The following GRID1 variants were observed in gnomAD, a reference collection of about 807,000 sequenced individuals.
GRID1 encodes glutamate receptor ionotropic, delta-1.
GRID1 carries 28 observed loss-of-function variants against 98.0 expected under a neutral mutation model. That is an observed-to-expected ratio of 0.29 (90% CI 0.21 to 0.39). GRID1 has a LOEUF of 0.39. Ranked by LOEUF, GRID1 falls within the 10% of genes least tolerant of loss-of-function variation. The pLI is 1.00. For missense variants in GRID1, 1,111 were observed against 1,340.5 expected (o/e 0.83, Z 2.67); for synonymous variants, 553 against 538.5 (o/e 1.03, Z -0.37).
chr10:86,228,784 G>A lies in GRID1; in HGVS notation c.236-22136C>T, dbSNP rs544683817. Reference sequence around the variant, plus strand: ...GTCACCCCTCAGGAAGTGGATGTGTGGGTTCCCTCCTGGCCCGGCCACTCT... The same window carrying A: ...GTCACCCCTCAGGAAGTGGATGTGTAGGTTCCCTCCTGGCCCGGCCACTCT... On this transcript the variant is annotated intron_variant, in intron 2 of 15. Transcript: ENST00000327946. Among the ~76,000 whole-genome samples, 4 of 152,152 alleles carry A rather than the reference G, an allele frequency of 2.6e-5. No individual in the cohort carries two copies. In the East Asian group the frequency reaches 7.7e-4, roughly 29 times the overall value.
intron 2 of GRID1, among the ~76,000 whole-genome samples, chr10:86,284,065 T>C (rs1210979607): frequency 2.4e-5 from 3 of 123,528 alleles, no homozygotes; most frequent in Non-Finnish European, 3.4e-5. Context: ...TGCATATACA[T>C]ACCTGCCCTC....
chr10:85,771,748 G>T (rs1842270816), intron 8 of GRID1, among the ~76,000 whole-genome samples: 1 of 152,146 alleles, frequency 6.6e-6, no homozygotes, highest in Non-Finnish European at 1.5e-5. Flanking sequence ...ATGGTAAAGG[G>T]ATCAATTCAA....
chr10:86,051,583 C>A (rs993759942), intron 4 of GRID1, among the ~76,000 whole-genome samples: 9 of 149,236 alleles, frequency 6.0e-5, no homozygotes, highest in Admixed American at 2.0e-4. Flanking sequence ...AGGTATAAAA[C>A]CCCTGCTATA....
At position 85,788,317 on chromosome 10, in the gene GRID1, C is replaced by T. The variant is rs750362851; in HGVS notation, c.1234-58703G>A. On this transcript the variant is annotated intron_variant, in intron 8 of 15. Coordinates refer to ENST00000327946, the MANE Select transcript of GRID1 (RefSeq NM_017551.3). ...GCCAGAAGAGGCTCACGGTTGTCCG[C>T]AGTCCATGCTCCCAAAGCACACTTT... 9.4e-4 allele frequency among the ~76,000 whole-genome samples: 143 copies of T among 152,262 alleles called. 1 individual carries two copies. The highest frequency in any genetic ancestry group is 1.7e-3 in the Non-Finnish European group (113 of 68,032).
chr10:85,886,354 C>G (rs1361462058), intron 5 of GRID1, among the ~76,000 whole-genome samples: 1 of 152,162 alleles, frequency 6.6e-6, no homozygotes. Context: ...TATGAATTGT[C>G]TCTGAACCAT....
At chr10:86,350,620 C>A (rs1848449908) in intron 2 of GRID1, among the ~76,000 whole-genome samples, 1 of 152,130 alleles carries the variant, frequency 6.6e-6, no homozygotes, top group South Asian at 2.1e-4. Context: ...CAGCTCTGGG[C>A]AGTTTGTAAT....
At chr10:86,225,106 C>T (rs1436894663) in intron 2 of GRID1, among the ~76,000 whole-genome samples, 5 of 152,226 alleles carry the variant, frequency 3.3e-5, no homozygotes, top group Non-Finnish European at 7.3e-5. Flanking sequence ...AGAACCCTGA[C>T]TCCAGTTTTC....
intron 3 of GRID1, among the ~76,000 whole-genome samples, chr10:86,140,919 T>C (rs2131973491): frequency 6.6e-6 from 1 of 152,210 alleles, no homozygotes; most frequent in South Asian, 2.1e-4. Flanking sequence ...CACAGCAGCA[T>C]ACAAATGAGA....
chr10:86,305,393 T>C (rs770852821), intron 2 of GRID1, among the ~76,000 whole-genome samples: 1 of 152,190 alleles, frequency 6.6e-6, no homozygotes, highest in African/African-American at 2.4e-5. Flanking sequence ...CTTAAACTGA[T>C]GGGAAGTGAC....
chr10:86,363,204 G>C (rs766065369), intron 2 of GRID1, among the ~76,000 whole-genome samples: 1 of 152,262 alleles, frequency 6.6e-6, no homozygotes. Context: ...GGCGCCTGCC[G>C]CGGGGCCCGA....
intron 2 of GRID1, among the ~76,000 whole-genome samples, chr10:86,250,324 T>C (rs1346538878): frequency 6.6e-6 from 1 of 152,182 alleles, no homozygotes; most frequent in Non-Finnish European, 1.5e-5. Flanking sequence ...ACATTAAGTT[T>C]TCCCCTCCTG....
intron 4 of GRID1, among the ~76,000 whole-genome samples, chr10:85,962,251 C>T (rs12220682): frequency 0.023 from 3,563 of 152,282 alleles, 115 homozygotes; most frequent in East Asian, 0.13. Flanking sequence ...CCAGCATCCC[C>T]GGGTTCATTG....
At chr10:85,951,227 G>A (rs937537895) in intron 4 of GRID1, among the ~76,000 whole-genome samples, 9 of 152,264 alleles carry the variant, frequency 5.9e-5, no homozygotes, top group African/African-American at 1.4e-4. Context: ...GCTCCAGGAG[G>A]GCAAGGGATT....
intron 2 of GRID1, among the ~76,000 whole-genome samples, chr10:86,343,220 C>T (rs1427156454): frequency 6.6e-6 from 1 of 152,168 alleles, no homozygotes; most frequent in African/African-American, 2.4e-5. Flanking sequence ...TCTTAAGCTA[C>T]CTCACAGCAA....
chr10:85,912,685 T>C (rs1241246711), intron 5 of GRID1, among the ~76,000 whole-genome samples: 1 of 152,180 alleles, frequency 6.6e-6, no homozygotes, highest in Non-Finnish European at 1.5e-5. Context: ...GGAACTGAAC[T>C]TCCTCCAGAG....
Position 86,283,419 on chromosome 10 carries a change from G to A in GRID1, c.236-76771C>T, listed in dbSNP as rs1847382865. Among the ~76,000 whole-genome samples, 3 of 152,272 alleles carry A rather than the reference G, an allele frequency of 2.0e-5. No individual in the cohort carries two copies. The South Asian group carries it at 6.2e-4, about 32-fold the overall frequency. On this transcript the variant is annotated intron_variant, in intron 2 of 15. Transcript: ENST00000327946. ...TAGCCCACTGCCTGGCTGGAAGGAA[G>A]GATTCAGCAGGACCAAGCAGATTTT...
chr10:85,960,028 T>G (rs570834087), intron 4 of GRID1, among the ~76,000 whole-genome samples: 2 of 152,262 alleles, frequency 1.3e-5, no homozygotes, highest in African/African-American at 4.8e-5. Flanking sequence ...ACTACAGGCA[T>G]GTGCCACCAC....
intron 4 of GRID1, among the ~76,000 whole-genome samples, chr10:86,031,774 A>G (rs899305691): frequency 6.6e-6 from 1 of 151,952 alleles, no homozygotes; most frequent in Non-Finnish European, 1.5e-5. Context: ...CTTAAAGTAC[A>G]TTTCTTTGTA....
chr10:85,797,742 G>A (rs1402605530), intron 8 of GRID1, among the ~76,000 whole-genome samples: 1 of 150,974 alleles, frequency 6.6e-6, no homozygotes, highest in Non-Finnish European at 1.5e-5. Flanking sequence ...GAGCCACCAC[G>A]CCCAGCCCAC....
Sources: gnomAD v4.1 joint callset for allele counts (sites outside exome capture counted in the v4.1 genomes callset) on GRCh38, gnomAD v4.1.1 for gene constraint, MANE v1.5 for transcripts, NCBI Gene and HGNC (gene_info 2026-07-23, HGNC 2026-07-21) for gene names.